Variants in NKAIN3 observed in about 807,000 individuals in gnomAD.
NKAIN3 encodes sodium/potassium transporting ATPase interacting 3, also known as sodium/potassium-transporting ATPase subunit beta-1-interacting protein 3.
In NKAIN3, 25 loss-of-function variants were observed where a neutral mutation model predicts 30.2. That is an observed-to-expected ratio of 0.83 (90% confidence interval 0.60 to 1.16). The LOEUF is 1.16. NKAIN3 is among the 50% of genes most tolerant of loss of function. NKAIN3 has a pLI of 0.00. For missense variants in NKAIN3, 225 were observed against 254.1 expected (o/e 0.89, Z 0.78); for synonymous variants, 91 against 89.6 (o/e 1.02, Z -0.09).
intron 4 of NKAIN3, among the ~76,000 whole-genome samples, chr8:62,778,531 T>C (rs1232542321): frequency 6.6e-6 from 1 of 152,102 alleles, no homozygotes; most frequent in Non-Finnish European, 1.5e-5. Context: ...ACTGCCAATG[T>C]TCACTCAAAA....
intron 3 of NKAIN3, among the ~76,000 whole-genome samples, chr8:62,608,041 G>A (rs1166025898): frequency 6.6e-6 from 1 of 152,034 alleles, no homozygotes; most frequent in Admixed American, 6.6e-5. Flanking sequence ...CTTTTAATAT[G>A]AGAAACAAAT....
chr8:62,860,707 A>T (rs1586279932), intron 4 of NKAIN3, among the ~76,000 whole-genome samples: 1 of 152,164 alleles, frequency 6.6e-6, no homozygotes, highest in African/African-American at 2.4e-5. Flanking sequence ...GAATTTTTCT[A>T]TCTGATGCAG....
chr8:62,685,094 TGTACA>T lies in NKAIN3; in HGVS notation c.274-61836_274-61832del, dbSNP rs543423621. Among the ~76,000 whole-genome samples the T allele has an allele frequency of 7.0e-4, 107 of 152,302 alleles. 1 individual carries two copies. In the Middle Eastern group the frequency reaches 0.01, roughly 15 times the overall value. ...CCAGAAGACAGTGTTGCCAAGTTGTTGTACAGGCTCTTACCTGCAGCAATGGTTTT... is the reference window on the plus strand; with the variant it reads ...CCAGAAGACAGTGTTGCCAAGTTGTTGGCTCTTACCTGCAGCAATGGTTTT... On this transcript the variant is annotated intron_variant, in intron 3 of 6. Coordinates refer to ENST00000623646, the MANE Select transcript of NKAIN3 (RefSeq NM_001304533.3).
intron 1 of NKAIN3, among the ~76,000 whole-genome samples, chr8:62,573,206 T>G (rs928355892): frequency 1.3e-5 from 2 of 152,160 alleles, no homozygotes; most frequent in Non-Finnish European, 2.9e-5. Context: ...CAAATAACAC[T>G]AATATTTTAT....
intron 4 of NKAIN3, among the ~76,000 whole-genome samples, chr8:62,886,340 C>T (rs149658449): frequency 1.3e-3 from 193 of 152,034 alleles, no homozygotes; most frequent in Non-Finnish European, 2.1e-3. Flanking sequence ...CATACAGAAG[C>T]ATATGTAAAC....
intron 1 of NKAIN3, among the ~76,000 whole-genome samples, chr8:62,519,974 A>C (rs28564421): frequency 0.1 from 15,649 of 152,190 alleles, 2,551 homozygotes; most frequent in African/African-American, 0.35. Context: ...TTCCTTTTTC[A>C]GTATTTTCCT....
chr8:62,669,141 C>T (rs895463498), intron 3 of NKAIN3, among the ~76,000 whole-genome samples: 9 of 152,136 alleles, frequency 5.9e-5, no homozygotes, highest in Admixed American at 3.3e-4. Flanking sequence ...CCAGGGAGTC[C>T]CCAGCCAATG....
At chr8:62,599,003 G>GA (rs1157409677) in intron 3 of NKAIN3, among the ~76,000 whole-genome samples, 3 of 151,964 alleles carry the variant, frequency 2.0e-5, no homozygotes, top group Admixed American at 6.6e-5. Flanking sequence ...CATAAGCTGG[G>GA]AAAAAACTAA....
intron 1 of NKAIN3, among the ~76,000 whole-genome samples, chr8:62,381,776 G>T (rs1817286730): frequency 1.3e-5 from 2 of 152,118 alleles, no homozygotes; most frequent in South Asian, 4.1e-4. Context: ...TAATATCAAT[G>T]ACTGTATAAC....
chr8:62,360,963 G>A (rs188576729), intron 1 of NKAIN3, among the ~76,000 whole-genome samples: 1 of 151,792 alleles, frequency 6.6e-6, no homozygotes, highest in East Asian at 1.9e-4. Flanking sequence ...TATGAAAGAG[G>A]GAATGAGGTT....
chr8:62,560,739 C>T (rs1438047286), intron 1 of NKAIN3, among the ~76,000 whole-genome samples: 1 of 151,654 alleles, frequency 6.6e-6, no homozygotes, highest in East Asian at 1.9e-4. Flanking sequence ...TGGGGTTTCA[C>T]CATGGTGGCC....
intron 5 of NKAIN3, among the ~76,000 whole-genome samples, chr8:62,944,129 C>T (rs986820629): frequency 1.3e-4 from 20 of 152,086 alleles, no homozygotes; most frequent in African/African-American, 2.4e-4. Context: ...TGTAACCAAA[C>T]GCCACCTGTT....
chr8:62,901,681 A>G (rs1027048939), intron 4 of NKAIN3, among the ~76,000 whole-genome samples: 1 of 152,234 alleles, frequency 6.6e-6, no homozygotes, highest in Non-Finnish European at 1.5e-5. Flanking sequence ...TAGGAAGGCC[A>G]TGAAACACCA....
At chr8:62,853,246 A>G (rs1322753233) in intron 4 of NKAIN3, among the ~76,000 whole-genome samples, 2 of 152,092 alleles carry the variant, frequency 1.3e-5, no homozygotes, top group Non-Finnish European at 2.9e-5. Flanking sequence ...GTTGGTTTAA[A>G]GTCTGTTTTA....
At chr8:62,806,676 G>C (rs1818295597) in intron 4 of NKAIN3, among the ~76,000 whole-genome samples, 1 of 151,882 alleles carries the variant, frequency 6.6e-6, no homozygotes, top group Admixed American at 6.6e-5. Flanking sequence ...AGTGGGGAGG[G>C]ATAGCATTAG....
Position 62,795,743 on chromosome 8 carries a change from T to C in NKAIN3, c.471+48614T>C, listed in dbSNP as rs142389546. Among the ~76,000 whole-genome samples, 9 of 152,304 alleles carry C rather than the reference T, an allele frequency of 5.9e-5. No homozygotes were observed. In the East Asian group the frequency reaches 1.7e-3, roughly 29 times the overall value. ...AGGTTCAGTATATATTATTCACCTT[T>C]CCCCATGTTAATCTAAATTACCTGA... On this transcript the variant is annotated intron_variant, in intron 4 of 6. Coordinates refer to ENST00000623646, the MANE Select transcript of NKAIN3 (RefSeq NM_001304533.3).
chr8:62,940,834 C>T (rs562934059), intron 5 of NKAIN3, among the ~76,000 whole-genome samples: 12 of 151,758 alleles, frequency 7.9e-5, no homozygotes, highest in African/African-American at 1.9e-4. Context: ...CACAAATAGA[C>T]AATCTCAGGT....
intron 1 of NKAIN3, among the ~76,000 whole-genome samples, chr8:62,321,118 A>G (rs1164423447): frequency 6.6e-6 from 1 of 152,086 alleles, no homozygotes; most frequent in Non-Finnish European, 1.5e-5. Context: ...TTTCCAGTTG[A>G]TCAAATCAGC....
chr8:62,794,224 A>C (rs527977422), intron 4 of NKAIN3, among the ~76,000 whole-genome samples: 5 of 152,306 alleles, frequency 3.3e-5, no homozygotes, highest in African/African-American at 1.2e-4. Flanking sequence ...TTGACTAGTA[A>C]TAAGTGGCAT....
Sources: allele counts gnomAD v4.1 joint callset (sites outside exome capture counted in the v4.1 genomes callset), GRCh38; gene constraint gnomAD v4.1.1; transcripts MANE v1.5; gene names NCBI Gene and HGNC (gene_info 2026-07-23, HGNC 2026-07-21).